The following DEPTOR variants were observed in gnomAD, a reference collection of about 807,000 sequenced individuals.
The protein encoded by DEPTOR is DEP domain-containing mTOR-interacting protein.
DEPTOR carries 41 observed loss-of-function variants against 41.6 expected under a neutral mutation model. The ratio of observed to expected loss-of-function variants is 0.98; its 90% CI spans 0.77 to 1.28. The LOEUF (loss-of-function observed/expected upper bound fraction) is 1.28. Ranked by LOEUF, DEPTOR falls within the 50% of genes most tolerant of loss-of-function variation. The probability of loss-of-function intolerance (pLI) is 0.00; values close to 1 mark genes in which losing one functional copy is unlikely to be tolerated. For synonymous variants in DEPTOR, 195 were observed against 192.3 expected, an observed-to-expected ratio of 1.01 and a Z score of -0.12; for missense variants, 514 against 527.9, an observed-to-expected ratio of 0.97 and a Z score of 0.26.
chr8:119,895,759 C>G (rs1827512694), intron 1 of DEPTOR, among the ~76,000 whole-genome samples: 1 of 152,134 alleles, frequency 6.6e-6, no homozygotes, highest in Non-Finnish European at 1.5e-5. Context: ...GCACACTTTC[C>G]AAGGTGAGGT....
chr8:120,000,654 G>T (rs1812332842), intron 4 of DEPTOR, among the ~76,000 whole-genome samples: 1 of 151,814 alleles, frequency 6.6e-6, no homozygotes, highest in South Asian at 2.1e-4. Flanking sequence ...GTAGAGACGA[G>T]GATTCACCAT....
intron 4 of DEPTOR, among the ~76,000 whole-genome samples, chr8:119,989,154 A>G (rs968418384): frequency 6.6e-6 from 1 of 151,700 alleles, no homozygotes; most frequent in Non-Finnish European, 1.5e-5. Flanking sequence ...ATGGTGGTGA[A>G]TATTTCTTTA....
intron 8 of DEPTOR, among the ~76,000 whole-genome samples, chr8:120,012,115 T>C (rs1362107214): frequency 6.6e-6 from 1 of 152,250 alleles, no homozygotes; most frequent in East Asian, 1.9e-4. Flanking sequence ...CATTTTATCA[T>C]TTAAGAGAAA....
chr8:119,895,358 T>C (rs1459539457), intron 1 of DEPTOR, among the ~76,000 whole-genome samples: 1 of 152,240 alleles, frequency 6.6e-6, no homozygotes, highest in Non-Finnish European at 1.5e-5. Context: ...CAACATTTTA[T>C]GGTCCAGATT....
intron 1 of DEPTOR, among the ~76,000 whole-genome samples, chr8:119,884,942 ATTGT>A (rs1041649384): frequency 1.3e-5 from 2 of 152,036 alleles, no homozygotes; most frequent in Non-Finnish European, 2.9e-5. Context: ...TGCCCAGCTA[ATTGT>A]TTGTATTTTA....
chr8:120,013,901 G>A (rs886267586), intron 8 of DEPTOR, among the ~76,000 whole-genome samples: 4 of 151,306 alleles, frequency 2.6e-5, no homozygotes, highest in African/African-American at 9.7e-5. Context: ...GTGCAGTGGC[G>A]GGATCTCAGC....
chr8:119,956,728 T>G (rs1401591468), intron 3 of DEPTOR, among the ~76,000 whole-genome samples: 8 of 113,458 alleles, frequency 7.1e-5, no homozygotes, highest in South Asian at 6.5e-4. Context: ...GGGTTTTTTG[T>G]TTTTTTTTTT....
intron 8 of DEPTOR, among the ~76,000 whole-genome samples, chr8:120,028,144 T>G (rs1812828148): frequency 6.6e-6 from 1 of 152,142 alleles, no homozygotes; most frequent in South Asian, 2.1e-4. Flanking sequence ...GGCATTTAGA[T>G]GATGTACTTT....
At chr8:119,967,680 G>A (rs1212590902) in intron 4 of DEPTOR, among the ~76,000 whole-genome samples, 1 of 150,984 alleles carries the variant, frequency 6.6e-6, no homozygotes, top group Non-Finnish European at 1.5e-5. Flanking sequence ...CTTGAACCCT[G>A]GAGGTGGAGG....
chr8:119,888,626 C>A (rs1231243606), intron 1 of DEPTOR, among the ~76,000 whole-genome samples: 1 of 151,948 alleles, frequency 6.6e-6, no homozygotes, highest in Non-Finnish European at 1.5e-5. Flanking sequence ...GAGGCCGAGG[C>A]AGGCAGATGG....
chr8:119,921,304 C>A (rs1336259567), intron 1 of DEPTOR, among the ~76,000 whole-genome samples: 1 of 152,126 alleles, frequency 6.6e-6, no homozygotes, highest in African/African-American at 2.4e-5. Context: ...TATTAGTGTC[C>A]TTATACATTC....
At chr8:120,016,769 A>G (rs1473784863) in intron 8 of DEPTOR, among the ~76,000 whole-genome samples, 1 of 151,544 alleles carries the variant, frequency 6.6e-6, no homozygotes, top group African/African-American at 2.4e-5. Context: ...ATGCCTGGCT[A>G]ATTTTTTTAC....
chr8:119,989,130 G>A (rs957511701), intron 4 of DEPTOR, among the ~76,000 whole-genome samples: 4 of 151,810 alleles, frequency 2.6e-5, no homozygotes, highest in African/African-American at 9.7e-5. Context: ...CAATTCCAAA[G>A]TAATTAGCAT....
intron 4 of DEPTOR, among the ~76,000 whole-genome samples, chr8:119,986,548 T>C (rs1828832881): frequency 6.6e-6 from 1 of 152,144 alleles, no homozygotes; most frequent in East Asian, 1.9e-4. Context: ...GTGTTCTCTG[T>C]GTTTCCTGAA....
chr8:119,940,582 C>A (rs1828189798), intron 3 of DEPTOR, among the ~76,000 whole-genome samples: 2 of 151,948 alleles, frequency 1.3e-5, no homozygotes, highest in Admixed American at 6.6e-5. Context: ...CTCGTCTCTA[C>A]TGAAAATACA....
chr8:119,985,130 G>A (rs901838263), intron 4 of DEPTOR, among the ~76,000 whole-genome samples: 4 of 152,130 alleles, frequency 2.6e-5, no homozygotes, highest in African/African-American at 4.8e-5. Flanking sequence ...CCAAGATCAC[G>A]CCATTGCACT....
At chr8:120,024,540 T>C (rs1812770728) in intron 8 of DEPTOR, among the ~76,000 whole-genome samples, 1 of 152,148 alleles carries the variant, frequency 6.6e-6, no homozygotes, top group African/African-American at 2.4e-5. Context: ...ACTGATGTCC[T>C]TCTAAGAAGG....
At chr8:119,964,515 CA>C (rs536731714) in intron 3 of DEPTOR, among the ~76,000 whole-genome samples, 39 of 121,670 alleles carry the variant, frequency 3.2e-4, no homozygotes, top group African/African-American at 6.9e-4. Flanking sequence ...AAGCCCGTCT[CA>C]AAAAAAAAAA....
At chr8:120,014,638 C>T (rs1417683705) in intron 8 of DEPTOR, among the ~76,000 whole-genome samples, 1 of 151,942 alleles carries the variant, frequency 6.6e-6, no homozygotes, top group Non-Finnish European at 1.5e-5. Flanking sequence ...AGCGATTCTT[C>T]TGCTTGAGCC....
Sources: gnomAD v4.1 joint callset for allele counts (sites outside exome capture counted in the v4.1 genomes callset) on GRCh38, gnomAD v4.1.1 for gene constraint, MANE v1.5 for transcripts, NCBI Gene and HGNC (gene_info 2026-07-23, HGNC 2026-07-21) for gene names.